Variants in PCDHA6 observed in about 807,000 individuals in gnomAD.
The protein encoded by PCDHA6 is protocadherin alpha-6.
PCDHA6 carries 55 observed loss-of-function variants against 60.3 expected under a neutral mutation model. That is an observed-to-expected ratio of 0.91 (90% CI 0.73 to 1.14). The LOEUF (loss-of-function observed/expected upper bound fraction) is 1.14. PCDHA6 is among the 50% of genes most tolerant of loss of function. The pLI, the probability that PCDHA6 is intolerant of heterozygous loss-of-function variation, is 0.00. For synonymous variants in PCDHA6, 652 were observed against 557.9 expected (o/e 1.17, Z -2.38); for missense variants, 1,327 against 1,256.5 (o/e 1.06, Z -0.85).
rs150360427 is a variant in PCDHA6 at position 140,892,912 on chromosome 5, T to C, written c.2394+62427T>C. Among the ~76,000 whole-genome samples, 3 of 152,298 alleles carry C rather than the reference T, an allele frequency of 2.0e-5. No homozygotes were observed. In the East Asian group the frequency reaches 5.8e-4, roughly 29 times the overall value. Reference sequence around the variant, plus strand: ...CAACCTTTCCCCATCCTCCTTTTCCTTCACCCTTCCCAGCCTCTGATAAGC... The same window carrying C: ...CAACCTTTCCCCATCCTCCTTTTCCCTCACCCTTCCCAGCCTCTGATAAGC... On this transcript the variant is annotated intron_variant, in intron 1 of 3. Coordinates refer to ENST00000529310, the MANE Select transcript of PCDHA6 (RefSeq NM_018909.4).
At chr5:140,869,419 C>T (rs782550413) in intron 1 of PCDHA6, 4 of 1,614,078 alleles carry the variant, frequency 2.5e-6, no homozygotes, top group Non-Finnish European at 3.4e-6. Context: ...CAGCATCCAC[C>T]TGGAGGTGAT....
At chr5:140,935,178 G>C (rs2090229039) in intron 1 of PCDHA6, among the ~76,000 whole-genome samples, 2 of 152,146 alleles carry the variant, frequency 1.3e-5, no homozygotes, top group African/African-American at 4.8e-5. Context: ...GCTTATTGCT[G>C]CTGGGTCAGT....
intron 1 of PCDHA6, chr5:140,841,804 T>C (rs2150322982): frequency 1.2e-6 from 2 of 1,613,912 alleles, no homozygotes; most frequent in Non-Finnish European, 1.7e-6. Context: ...CCGATGCAGA[T>C]GTTGGAGCTA....
intron 1 of PCDHA6, chr5:140,858,461 C>G: frequency 1.3e-6 from 2 of 1,524,640 alleles, no homozygotes; most frequent in Non-Finnish European, 1.8e-6. Flanking sequence ...TTTCATTTTC[C>G]TTTTGTGCTT....
intron 1 of PCDHA6, among the ~76,000 whole-genome samples, chr5:140,898,839 A>C (rs2066999324): frequency 6.6e-6 from 1 of 152,280 alleles, no homozygotes; most frequent in East Asian, 1.9e-4. Flanking sequence ...ATGTTCTTCC[A>C]TTTCTTTGTA....
At chr5:140,857,819 G>A in intron 1 of PCDHA6, 1 of 1,597,752 alleles carries the variant, frequency 6.3e-7, no homozygotes, top group Non-Finnish European at 8.6e-7. Context: ...TCACGTGGTG[G>A]CTAAGGTGCG....
chr5:140,978,545 T>C (rs1478928718), intron 1 of PCDHA6, among the ~76,000 whole-genome samples: 2 of 152,258 alleles, frequency 1.3e-5, no homozygotes, highest in Non-Finnish European at 2.9e-5. Context: ...TGTGTAGCCA[T>C]GTGCCCTGTT....
At chr5:140,908,578 G>C (rs2074039304) in intron 1 of PCDHA6, among the ~76,000 whole-genome samples, 1 of 152,196 alleles carries the variant, frequency 6.6e-6, no homozygotes, top group South Asian at 2.1e-4. Flanking sequence ...CAAAAGGAGA[G>C]TAGTTAGCTG....
intron 3 of PCDHA6, among the ~76,000 whole-genome samples, chr5:140,992,344 T>G (rs2097506257): frequency 6.6e-6 from 1 of 152,124 alleles, no homozygotes; most frequent in Non-Finnish European, 1.5e-5. Context: ...GATGGAAATG[T>G]GGAGAGAGGA....
At chr5:140,850,229 C>A (rs2150474580) in intron 1 of PCDHA6, 3 of 1,593,694 alleles carry the variant, frequency 1.9e-6, no homozygotes, top group African/African-American at 2.7e-5. Flanking sequence ...GCGCAGTGAG[C>A]GAGATGGTGC....
chr5:141,010,525 C>A lies in PCDHA6; in HGVS notation c.*588C>A. On this transcript the variant is annotated 3_prime_UTR_variant, in exon 4 of 4. Coordinates refer to ENST00000529310, the MANE Select transcript of PCDHA6 (RefSeq NM_018909.4). ...CTAAATCTTACAACTCAAGAGGTGG[C>A]AGCCACCCTCTAGGAGACAAAACTA... 1 of 436,454 alleles carries A rather than the reference C, an allele frequency of 2.3e-6. No homozygotes were observed. The highest frequency in any genetic ancestry group is 3.9e-6 in the Non-Finnish European group (1 of 256,874). 27.0% of individuals were successfully genotyped at this position (436,454 alleles called of 1,614,324 possible).
intron 1 of PCDHA6, chr5:140,862,770 G>A (rs1554156952): frequency 3.5e-6 from 2 of 576,708 alleles, no homozygotes; most frequent in Non-Finnish European, 6.7e-6. Context: ...AGAGGTACGC[G>A]TTGCAGCCAC....
chr5:140,887,387 C>T (rs959255749), intron 1 of PCDHA6, among the ~76,000 whole-genome samples: 8 of 152,106 alleles, frequency 5.3e-5, no homozygotes, highest in Non-Finnish European at 1.5e-5. Context: ...TGAGCCACCG[C>T]GCCCGGCTCT....
At chr5:140,985,096 C>G (rs1486346952) in intron 3 of PCDHA6, among the ~76,000 whole-genome samples, 1 of 152,096 alleles carries the variant, frequency 6.6e-6, no homozygotes, top group Non-Finnish European at 1.5e-5. Context: ...TGCCACCAAG[C>G]CTGGCTAATT....
At position 141,010,553 on chromosome 5, in the gene PCDHA6, C is replaced by T; in HGVS notation, c.*616C>T. ...CCACCCTCTAGGAGACAAAACTACC[C>T]CCACTGACAAGGCTTTAGGAGACCC... is the stretch of plus-strand genomic sequence containing the variant. On this transcript the variant is annotated 3_prime_UTR_variant, in exon 4 of 4. Transcript: ENST00000529310. The T allele has an allele frequency of 6.2e-6, 2 of 323,850 alleles. No homozygotes were observed. The highest frequency in any genetic ancestry group is 1.1e-5 in the Non-Finnish European group (2 of 176,368). 20.1% of individuals were successfully genotyped at this position (323,850 alleles called of 1,614,324 possible). A position where few individuals can be genotyped will look rare whatever the true frequency, so the allele number is the denominator to read the frequency against.
chr5:140,995,654 A>C (rs1183016354), intron 3 of PCDHA6, among the ~76,000 whole-genome samples: 2 of 152,184 alleles, frequency 1.3e-5, no homozygotes, highest in Non-Finnish European at 1.5e-5. Flanking sequence ...AGGAGAATCG[A>C]AAAGGGAAGT....
chr5:140,873,191 C>T (rs1554166611), intron 1 of PCDHA6, among the ~76,000 whole-genome samples: 1 of 151,960 alleles, frequency 6.6e-6, no homozygotes, highest in African/African-American at 2.4e-5. Context: ...TATTCATTGG[C>T]TAAAAACATT....
chr5:140,883,508 G>A (rs939760233), intron 1 of PCDHA6: 1 of 1,614,202 alleles, frequency 6.2e-7, no homozygotes, highest in East Asian at 2.2e-5. Flanking sequence ...CAGCGCCCTG[G>A]ACCGCGAGAG....
intron 1 of PCDHA6, chr5:140,968,978 G>A: frequency 1.9e-6 from 3 of 1,614,212 alleles, no homozygotes; most frequent in Non-Finnish European, 1.7e-6. Flanking sequence ...CACTGCGTAT[G>A]GCACTGCATG....
Sources: gnomAD v4.1 joint callset for allele counts (sites outside exome capture counted in the v4.1 genomes callset) on GRCh38, gnomAD v4.1.1 for gene constraint, MANE v1.5 for transcripts, NCBI Gene and HGNC (gene_info 2026-07-23, HGNC 2026-07-21) for gene names.